Variants in DYTN observed in about 807,000 individuals in gnomAD.
DYTN encodes the protein dystrotelin.
Under a neutral mutation model 69.6 loss-of-function variants are expected in DYTN, and 75 were observed. That is an observed-to-expected ratio of 1.08 (90% confidence interval 0.89 to 1.31). The LOEUF is 1.31. DYTN is among the 50% of genes most tolerant of loss of function. The pLI, the probability that DYTN is intolerant of heterozygous loss-of-function variation, is 0.00. For synonymous variants in DYTN, 252 were observed against 249.1 expected (o/e 1.01, Z -0.11); for missense variants, 726 against 688.4 (o/e 1.05, Z -0.61).
intron 9 of DYTN, among the ~76,000 whole-genome samples, chr2:206,669,895 T>C (rs1216890765): frequency 6.6e-6 from 1 of 152,242 alleles, no homozygotes; most frequent in Non-Finnish European, 1.5e-5. Flanking sequence ...TATCTCATCA[T>C]ACATATATAC....
In DYTN at chr2:206,707,293, C is replaced by G. The variant is rs775908345; in HGVS notation, c.296+9G>C. The G allele has an allele frequency of 5.0e-5, 80 of 1,609,998 alleles. No individual in the cohort carries two copies. The highest frequency in any genetic ancestry group is 1.0e-4 in the Admixed American group (6 of 59,510). ...CTTTGAGGTCACAGCGCGACGTCCA[C>G]ACCCTCACCTGTTGTACATTGTCGT... On this transcript the variant is annotated intron_variant, in intron 3 of 11. Coordinates refer to ENST00000452335, the MANE Select transcript of DYTN (RefSeq NM_001093730.1).
intron 1 of DYTN, among the ~76,000 whole-genome samples, chr2:206,715,992 G>A (rs1288230928): frequency 6.6e-6 from 1 of 152,172 alleles, no homozygotes; most frequent in Admixed American, 6.5e-5. Context: ...GGAGGCTGAG[G>A]CAGAAGAATC....
intron 4 of DYTN, 72 bp downstream of exon 4, chr2:206,705,716 G>T: frequency 7.3e-7 from 1 of 1,373,806 alleles, no homozygotes. Context: ...CTTGTGGCAG[G>T]GATATAGGAT....
chr2:206,665,777 T>C, intron 10 of DYTN, 93 bp downstream of exon 10: 2 of 1,472,628 alleles, frequency 1.4e-6, no homozygotes, highest in Non-Finnish European at 1.8e-6. Context: ...AAGAGGCTGA[T>C]CAAAGTAAGG....
intron 9 of DYTN, among the ~76,000 whole-genome samples, chr2:206,690,432 A>C (rs1472222341): frequency 1.3e-5 from 2 of 152,218 alleles, no homozygotes; most frequent in Non-Finnish European, 2.9e-5. Flanking sequence ...GCCACAAAAA[A>C]GTTTGTGCAG....
rs750269188 is a variant in DYTN at position 206,651,924 on chromosome 2, G to C, written c.1634-3C>G. 71 of 1,608,556 alleles carry C rather than the reference G, an allele frequency of 4.4e-5. No homozygotes were observed. The highest frequency in any genetic ancestry group is 5.8e-5 in the Non-Finnish European group (68 of 1,177,006). ...CATGTTTACTGAAGACTCCGGGCCT[G>C]AAATCAACAAACAAGAGAGTCATTT... On this transcript the variant is annotated splice_region_variant and splice_polypyrimidine_tract_variant and intron_variant, in intron 11 of 11. Coordinates refer to ENST00000452335, the MANE Select transcript of DYTN (RefSeq NM_001093730.1).
chr2:206,663,398 G>A lies in DYTN; in HGVS notation c.1141-3C>T, dbSNP rs779678195. 37 of 1,565,270 alleles carry A rather than the reference G, an allele frequency of 2.4e-5. No individual in the cohort carries two copies. The highest frequency in any genetic ancestry group is 2.8e-5 in the Non-Finnish European group (33 of 1,159,614). ...GGACCGGGTGGCTGCAACCTTGCCTGGGGAAACAAAACTTTATTTATGAAG... is the reference window on the plus strand; with the variant it reads ...GGACCGGGTGGCTGCAACCTTGCCTAGGGAAACAAAACTTTATTTATGAAG... On this transcript the variant is annotated splice_polypyrimidine_tract_variant and splice_region_variant and intron_variant, in intron 10 of 11. Coordinates refer to ENST00000452335, the MANE Select transcript of DYTN (RefSeq NM_001093730.1).
Position 206,700,192 on chromosome 2 carries a change from G to A in DYTN, c.508C>T (p.Arg170Cys), listed in dbSNP as rs1269990851. Reference sequence around the variant, plus strand: ...GCACTTTCCACAGGGCACAGAGCACGACTCTCTCCCACGAAAGTTGGGATC... The same window carrying A: ...GCACTTTCCACAGGGCACAGAGCACAACTCTCTCCCACGAAAGTTGGGATC... ...QQIPTFVGES[R>C]ALCPVESATR... Residue 170 changes from arginine (R) to cysteine (C), a missense_variant, in exon 6 of 12, where the codon CGT becomes TGT. Arg to Cys is a radical substitution (Grantham distance 180, BLOSUM62 -3). Transcript: ENST00000452335. 16 of 1,613,778 alleles carry A rather than the reference G, an allele frequency of 9.9e-6. No homozygotes were observed. Among genetic ancestry groups the A allele is most frequent in the Non-Finnish European group, 1.4e-5 (16 of 1,179,798 alleles).
intron 9 of DYTN, among the ~76,000 whole-genome samples, chr2:206,686,310 A>G (rs188102914): frequency 6.6e-6 from 1 of 152,374 alleles, no homozygotes; most frequent in African/African-American, 2.4e-5. Flanking sequence ...AAGAAAAGAT[A>G]TGATTAAAGG....
chr2:206,667,045 T>C (rs1377457267), intron 9 of DYTN, among the ~76,000 whole-genome samples: 2 of 152,012 alleles, frequency 1.3e-5, no homozygotes, highest in African/African-American at 2.4e-5. Context: ...ACCCTGTCTC[T>C]AAAAAAATAT....
intron 8 of DYTN, 146 bp from the exon 9 acceptor site, chr2:206,693,469 C>A: frequency 9.2e-7 from 1 of 1,092,162 alleles, no homozygotes; most frequent in Non-Finnish European, 1.3e-6. Context: ...TCCTTCTTGT[C>A]CCTGAATTTC....
At chr2:206,700,284 G>A in intron 5 of DYTN, 68 bp from the exon 6 acceptor site, 1 of 1,564,366 alleles carries the variant, frequency 6.4e-7, no homozygotes, top group Non-Finnish European at 8.8e-7. Context: ...GAGCAGCAGG[G>A]CTGAGAGCTG....
chr2:206,689,412 C>T (rs1012557526), intron 9 of DYTN, among the ~76,000 whole-genome samples: 2 of 152,136 alleles, frequency 1.3e-5, no homozygotes, highest in African/African-American at 4.8e-5. Context: ...ATTCTTTTCT[C>T]CTAGATGAGC....
chr2:206,683,468 C>T (rs954348003), intron 9 of DYTN, among the ~76,000 whole-genome samples: 8 of 151,348 alleles, frequency 5.3e-5, no homozygotes, highest in Admixed American at 2.0e-4. Context: ...CTCAGCCTCC[C>T]AAGTAGCTGG....
rs2105884419 is a variant in DYTN at position 206,651,781 on chromosome 2, T to C, written c.*37A>G. 1 of 1,572,724 alleles carries C rather than the reference T, an allele frequency of 6.4e-7. No individual in the cohort carries two copies. The highest frequency in any genetic ancestry group is 1.4e-5 in the African/African-American group (1 of 73,938). ...AATACAGTTGTGCAACTGCATTTTG[T>C]CATCACACCAAGAGGCCTTTGAGCC... On this transcript the variant is annotated 3_prime_UTR_variant, in exon 12 of 12. Coordinates refer to ENST00000452335, the MANE Select transcript of DYTN (RefSeq NM_001093730.1).
intron 9 of DYTN, among the ~76,000 whole-genome samples, chr2:206,669,053 C>T (rs1192851829): frequency 6.6e-6 from 1 of 152,198 alleles, no homozygotes; most frequent in East Asian, 1.9e-4. Flanking sequence ...CGTTTCTTCA[C>T]AGCAGTGTGA....
chr2:206,710,498 A>G, intron 2 of DYTN, 26 bp downstream of exon 2: 9 of 1,594,468 alleles, frequency 5.6e-6, no homozygotes, highest in South Asian at 1.1e-5. Context: ...GATTATTTCA[A>G]ATATTTCAGG....
chr2:206,715,321 A>C (rs1700116448), intron 1 of DYTN, among the ~76,000 whole-genome samples: 1 of 152,052 alleles, frequency 6.6e-6, no homozygotes, highest in South Asian at 2.1e-4. Flanking sequence ...TGCCTTCCTC[A>C]TTGAGATTCC....
chr2:206,705,872 T>G lies in DYTN; in HGVS notation c.298A>C (p.Lys100Gln), dbSNP rs923971430. Reference protein sequence around the residue: ...LSLLTTMYNSKGTGFLQLMPA... With the variant: ...LSLLTTMYNSQGTGFLQLMPA... ...ATAAGCTGGAGAAAACCTGTTCCTTTGCTGCACAGTAACAAAATACAGAGA... is the reference window on the plus strand; with the variant it reads ...ATAAGCTGGAGAAAACCTGTTCCTTGGCTGCACAGTAACAAAATACAGAGA... The change falls in exon 4 of 12, where the codon AAA (lysine) becomes CAA (glutamine). Residue 100 changes from lysine (K) to glutamine (Q), a missense_variant and splice_region_variant. By Grantham distance (53) the Lys-to-Gln change is moderately conservative (BLOSUM62 1). Coordinates refer to ENST00000452335, the MANE Select transcript of DYTN (RefSeq NM_001093730.1). 1.2e-6 allele frequency: 2 copies of G among 1,613,542 alleles called. No homozygotes were observed. Among genetic ancestry groups the G allele is most frequent in the African/African-American group, 2.7e-5 (2 of 74,944 alleles).
Sources: gnomAD v4.1 joint callset for allele counts (sites outside exome capture counted in the v4.1 genomes callset) on GRCh38, gnomAD v4.1.1 for gene constraint, MANE v1.5 for transcripts, NCBI Gene and HGNC (gene_info 2026-07-23, HGNC 2026-07-21) for gene names.